CYRIA: variants seen among roughly 807,000 people sequenced by gnomAD.
The protein encoded by CYRIA is CYFIP-related Rac1 interactor A.
A neutral mutation model predicts 43.9 loss-of-function variants in CYRIA; 15 were observed. The observed-to-expected ratio is 0.34, with a 90% CI of 0.23 to 0.53. The LOEUF (loss-of-function observed/expected upper bound fraction) is 0.53, where lower values mean the gene tolerates loss of function less well. CYRIA is among the 20% of genes least tolerant of loss of function. The pLI is 0.94. For missense variants in CYRIA, 236 were observed against 394.2 expected (o/e 0.60, Z 3.40); for synonymous variants, 117 against 136.0 (o/e 0.86, Z 0.97).
Position 16,565,618 on chromosome 2 carries a change from T to C in CYRIA, c.192+28A>G, listed in dbSNP as rs752193904. The C allele has an allele frequency of 2.6e-6, 4 of 1,525,814 alleles. No individual in the cohort carries two copies. The South Asian group carries it at 3.7e-5, about 14-fold the overall frequency. The allele number at this position is 1,525,814 out of a possible 1,614,324, so 94.5% of individuals were successfully genotyped here. ...GGTTTTCCTTCCCCTCCTCGGGTGTTGTCAGTTCAGCGTGATCATTGACAT... is the reference window on the plus strand; with the variant it reads ...GGTTTTCCTTCCCCTCCTCGGGTGTCGTCAGTTCAGCGTGATCATTGACAT... On this transcript the variant is annotated intron_variant, in intron 4 of 11. Transcript: ENST00000381323.
chr2:16,598,848 C>T (rs1668098269), intron 2 of CYRIA, among the ~76,000 whole-genome samples: 1 of 124,382 alleles, frequency 8.0e-6, no homozygotes, highest in Non-Finnish European at 1.6e-5. Context: ...CTGTTTTTTC[C>T]CCATCTTTGT....
At chr2:16,575,827 A>G (rs923380748) in intron 3 of CYRIA, among the ~76,000 whole-genome samples, 10 of 151,988 alleles carry the variant, frequency 6.6e-5, no homozygotes, top group South Asian at 6.3e-4. Flanking sequence ...CTGCACTCCC[A>G]CCTGGGCCAC....
At chr2:16,599,798 C>T (rs956410357) in intron 2 of CYRIA, among the ~76,000 whole-genome samples, 1 of 152,164 alleles carries the variant, frequency 6.6e-6, no homozygotes, top group East Asian at 1.9e-4. Flanking sequence ...ATTCTGTTGC[C>T]CAGGCTGGAG....
chr2:16,628,442 G>T (rs1669229770), intron 1 of CYRIA, among the ~76,000 whole-genome samples: 1 of 152,160 alleles, frequency 6.6e-6, no homozygotes, highest in South Asian at 2.1e-4. Context: ...CAACTGTGCA[G>T]CTGTGCTAAC....
Position 16,552,822 on chromosome 2 carries a change from C to G in CYRIA, c.*114G>C, listed in dbSNP as rs949519543. On this transcript the variant is annotated 3_prime_UTR_variant, in exon 12 of 12. Coordinates refer to ENST00000381323, the MANE Select transcript of CYRIA (RefSeq NM_030797.4). ...AATTAAGGTCCATATATTTCAGTGACAAGAAGGAAACGGTTATGTAAATAC... is the reference window on the plus strand; with the variant it reads ...AATTAAGGTCCATATATTTCAGTGAGAAGAAGGAAACGGTTATGTAAATAC... 2 of 708,702 alleles carry G rather than the reference C, an allele frequency of 2.8e-6. No homozygotes were observed. The highest frequency in any genetic ancestry group is 1.8e-5 in the African/African-American group (1 of 56,094). 43.9% of individuals were successfully genotyped at this position (708,702 alleles called of 1,614,324 possible). A position where few individuals can be genotyped will look rare whatever the true frequency, so the allele number is the denominator to read the frequency against.
At chr2:16,553,740 C>A (rs567712251) in intron 11 of CYRIA, among the ~76,000 whole-genome samples, 1 of 152,186 alleles carries the variant, frequency 6.6e-6, no homozygotes, top group African/African-American at 2.4e-5. Flanking sequence ...ATCTGGAAAG[C>A]CTGTGCTCCT....
At chr2:16,571,283 G>T (rs1265602301) in intron 3 of CYRIA, among the ~76,000 whole-genome samples, 1 of 152,200 alleles carries the variant, frequency 6.6e-6, no homozygotes, top group Non-Finnish European at 1.5e-5. Context: ...TGAATACTTT[G>T]CTGTCACCTG....
intron 1 of CYRIA, among the ~76,000 whole-genome samples, chr2:16,641,720 G>T (rs368036426): frequency 2.4e-4 from 37 of 152,302 alleles, no homozygotes; most frequent in African/African-American, 8.7e-4. Context: ...CCTGCAGGAT[G>T]GCAGACAGAA....
At chr2:16,569,077 A>G (rs1205633852) in intron 3 of CYRIA, among the ~76,000 whole-genome samples, 1 of 152,344 alleles carries the variant, frequency 6.6e-6, no homozygotes, top group East Asian at 1.9e-4. Context: ...ACTAGAGACA[A>G]ACAAGCTGCG....
intron 2 of CYRIA, among the ~76,000 whole-genome samples, chr2:16,621,702 C>T (rs552076427): frequency 7.2e-5 from 11 of 152,342 alleles, no homozygotes; most frequent in African/African-American, 2.6e-4. Context: ...CTTGCTCCCT[C>T]ACTTTCTCCA....
chr2:16,610,897 C>T (rs1249768559), intron 2 of CYRIA, among the ~76,000 whole-genome samples: 91 of 92,480 alleles, frequency 9.8e-4, no homozygotes, highest in East Asian at 2.6e-3. Context: ...TTAGTCCCAA[C>T]ATATATATAT....
intron 2 of CYRIA, among the ~76,000 whole-genome samples, chr2:16,592,625 A>G (rs1489955932): frequency 6.6e-6 from 1 of 152,170 alleles, no homozygotes; most frequent in Non-Finnish European, 1.5e-5. Context: ...GCAGGGATTA[A>G]GACACAGTCT....
At chr2:16,645,330 T>C (rs987937763) in intron 1 of CYRIA, among the ~76,000 whole-genome samples, 1 of 147,982 alleles carries the variant, frequency 6.8e-6, no homozygotes. Context: ...GAACCAGAAG[T>C]TTGGCTTCAA....
At chr2:16,640,900 T>C (rs1215784773) in intron 1 of CYRIA, among the ~76,000 whole-genome samples, 1 of 22,662 alleles carries the variant, frequency 4.4e-5, no homozygotes, top group African/African-American at 1.8e-4. Flanking sequence ...TGGAAGAGGA[T>C]GGGGTGGGGG....
chr2:16,572,228 A>T (rs900741401), intron 3 of CYRIA, among the ~76,000 whole-genome samples: 1 of 152,132 alleles, frequency 6.6e-6, no homozygotes, highest in Non-Finnish European at 1.5e-5. Context: ...GTTAAAAGAG[A>T]GGGAAGCTAA....
intron 1 of CYRIA, among the ~76,000 whole-genome samples, chr2:16,640,964 G>A (rs1425389515): frequency 6.6e-6 from 1 of 152,020 alleles, no homozygotes; most frequent in Non-Finnish European, 1.5e-5. Context: ...AAAGGCTGAC[G>A]AGTTTCTCAG....
chr2:16,645,426 C>T (rs964677848), intron 1 of CYRIA, among the ~76,000 whole-genome samples: 18 of 152,136 alleles, frequency 1.2e-4, no homozygotes, highest in African/African-American at 2.9e-4. Flanking sequence ...CTTATATAGC[C>T]GCTGTGGAGT....
intron 2 of CYRIA, among the ~76,000 whole-genome samples, chr2:16,620,536 T>C (rs892465645): frequency 5.3e-5 from 8 of 152,202 alleles, no homozygotes; most frequent in Non-Finnish European, 1.0e-4. Context: ...GAAAGAGGTA[T>C]AAAATAAGCA....
At chr2:16,565,866 A>C in intron 3 of CYRIA, 99 bp from the exon 4 acceptor site, 1 of 1,173,774 alleles carries the variant, frequency 8.5e-7, no homozygotes, top group Non-Finnish European at 1.1e-6. Context: ...ATCCTATCAT[A>C]TTCCTGCTGC....
Sources: allele counts gnomAD v4.1 joint callset (sites outside exome capture counted in the v4.1 genomes callset), GRCh38; gene constraint gnomAD v4.1.1; transcripts MANE v1.5; gene names NCBI Gene and HGNC (gene_info 2026-07-23, HGNC 2026-07-21).